Variants in MET observed in about 807,000 individuals in gnomAD.
The protein encoded by MET is hepatocyte growth factor receptor.
Under a neutral mutation model 133.1 loss-of-function variants are expected in MET, and 48 were observed. That is an observed-to-expected ratio of 0.36 (90% CI 0.29 to 0.46). MET has a LOEUF of 0.46. Ranked by LOEUF, MET falls within the 20% of genes least tolerant of loss-of-function variation. The probability of loss-of-function intolerance (pLI) is 1.00; values close to 1 mark genes in which losing one functional copy is unlikely to be tolerated. For missense variants in MET, 1,442 were observed against 1,695.9 expected (o/e 0.85, Z 2.63); for synonymous variants, 628 against 616.5 (o/e 1.02, Z -0.28).
At chr7:116,783,495 TCTC>T in intron 19 of MET, 26 bp downstream of exon 19, 1 of 1,613,528 alleles carries the variant, frequency 6.2e-7, no homozygotes, top group South Asian at 1.1e-5. Context: ...TCTCTGAGTT[TCTC>T]CTCTTTTACT....
At chr7:116,764,250 T>A (rs1182171972) in intron 11 of MET, among the ~76,000 whole-genome samples, 14 of 152,210 alleles carry the variant, frequency 9.2e-5, no homozygotes, top group Admixed American at 3.9e-4. Flanking sequence ...ATTATTGTGT[T>A]TTGTACAATA....
At chr7:116,783,635 A>G (rs539378584) in intron 19 of MET, among the ~76,000 whole-genome samples, 166 bp downstream of exon 19, 1 of 152,348 alleles carries the variant, frequency 6.6e-6, no homozygotes, top group African/African-American at 2.4e-5. Context: ...GTATATTTTC[A>G]TAAATTCACT....
At chr7:116,726,147 A>G (rs190144620) in intron 2 of MET, among the ~76,000 whole-genome samples, 68 of 96,030 alleles carry the variant, frequency 7.1e-4, no homozygotes, top group African/African-American at 1.2e-3. Context: ...ATATATGTAT[A>G]TATATATATA....
intron 1 of MET, among the ~76,000 whole-genome samples, chr7:116,694,451 G>A (rs1334394662): frequency 6.6e-6 from 1 of 152,030 alleles, no homozygotes; most frequent in Non-Finnish European, 1.5e-5. Context: ...GGAGATTAAG[G>A]TACTAACTCC....
chr7:116,782,654 T>C (rs1795191203), intron 18 of MET, among the ~76,000 whole-genome samples: 1 of 152,226 alleles, frequency 6.6e-6, no homozygotes, highest in Non-Finnish European at 1.5e-5. Context: ...TTATGGTATG[T>C]GTGAATGAAA....
intron 5 of MET, among the ~76,000 whole-genome samples, chr7:116,744,464 A>G (rs1793586484): frequency 6.6e-6 from 1 of 152,252 alleles, no homozygotes. Flanking sequence ...ACTTAATGAA[A>G]TAAAGTGTGG....
chr7:116,699,628 G>C lies in MET; in HGVS notation c.544G>C (p.Ala182Pro). The C allele has an allele frequency of 6.2e-7, 1 of 1,613,960 alleles. No individual in the cohort carries two copies. The highest frequency in any genetic ancestry group is 8.5e-7 in the Non-Finnish European group (1 of 1,179,950). The change falls in exon 2 of 21, where the codon GCC becomes CCC. Residue 182 changes from alanine to proline, a missense_variant. By Grantham distance (27) the Ala-to-Pro change is conservative. Around this residue, in one of 6 missense-constraint regions of MET, gnomAD observed 762 missense variants for 792.4 expected, o/e 0.96. Coordinates refer to ENST00000397752, the MANE Select transcript of MET (RefSeq NM_000245.4). Reference protein sequence around the residue: ...CPDCVVSALGAKVLSSVKDRF... With the variant: ...CPDCVVSALGPKVLSSVKDRF... ...TGACTGTGTGGTGAGCGCCCTGGGA[G>C]CCAAAGTCCTTTCATCTGTAAAGGA...
chr7:116,778,298 T>C (rs1417467674), intron 16 of MET, among the ~76,000 whole-genome samples: 2 of 152,212 alleles, frequency 1.3e-5, no homozygotes, highest in Admixed American at 1.3e-4. Flanking sequence ...GCCTGAAAAA[T>C]GTTAACCAGC....
At chr7:116,771,818 T>C in intron 13 of MET, 31 bp from the exon 14 acceptor site, 2 of 1,613,646 alleles carry the variant, frequency 1.2e-6, no homozygotes, top group East Asian at 2.2e-5. Context: ...TAGCCGTCTT[T>C]AACAAGCTCT....
chr7:116,767,918 A>G (rs992514559), intron 11 of MET, among the ~76,000 whole-genome samples: 10 of 149,996 alleles, frequency 6.7e-5, no homozygotes, highest in Non-Finnish European at 1.2e-4. Context: ...GTGAGCTACC[A>G]GTATCACTTT....
At chr7:116,736,376 G>A (rs931753609) in intron 3 of MET, among the ~76,000 whole-genome samples, 6 of 151,490 alleles carry the variant, frequency 4.0e-5, no homozygotes, top group Admixed American at 3.3e-4. Context: ...AATTAAAACC[G>A]TTCAATTGTC....
At chr7:116,746,183 T>A (rs1274675873) in intron 5 of MET, among the ~76,000 whole-genome samples, 1 of 152,250 alleles carries the variant, frequency 6.6e-6, no homozygotes, top group African/African-American at 2.4e-5. Context: ...GAAAAAATGC[T>A]CATTATCACT....
intron 10 of MET, among the ~76,000 whole-genome samples, chr7:116,761,577 T>C (rs1445772904): frequency 2.0e-5 from 3 of 152,098 alleles, no homozygotes; most frequent in Non-Finnish European, 4.4e-5. Flanking sequence ...ACAAGAACAA[T>C]CATCTTCATA....
chr7:116,766,135 T>C (rs1351165181), intron 11 of MET, among the ~76,000 whole-genome samples: 4 of 152,240 alleles, frequency 2.6e-5, no homozygotes, highest in African/African-American at 4.8e-5. Context: ...TCTGTATTTC[T>C]CCCTGAGTGT....
chr7:116,698,448 C>T (rs1232093375), intron 1 of MET, among the ~76,000 whole-genome samples: 2 of 152,176 alleles, frequency 1.3e-5, no homozygotes, highest in Non-Finnish European at 2.9e-5. Flanking sequence ...ATTTGTCTGT[C>T]TAAAACAATA....
chr7:116,782,179 C>T (rs1253675900), intron 18 of MET, 82 bp downstream of exon 18: 8 of 950,704 alleles, frequency 8.4e-6, no homozygotes, highest in Non-Finnish European at 1.2e-5. Flanking sequence ...GCTAGTTAAG[C>T]TGTTTTCTCT....
intron 2 of MET, among the ~76,000 whole-genome samples, chr7:116,729,006 T>C (rs1792894633): frequency 6.6e-6 from 1 of 152,226 alleles, no homozygotes; most frequent in Non-Finnish European, 1.5e-5. Flanking sequence ...ATGGAATATT[T>C]CAAATGGCCT....
At chr7:116,754,211 T>C (rs953958858) in intron 5 of MET, among the ~76,000 whole-genome samples, 3 of 152,210 alleles carry the variant, frequency 2.0e-5, no homozygotes, top group African/African-American at 7.2e-5. Context: ...AAACCATCTA[T>C]ATGTTTCATA....
rs201789039 is a variant in MET, at chr7:116,731,759, T to C, written c.1292T>C (p.Met431Thr). 1 of 1,614,158 alleles carries C rather than the reference T, an allele frequency of 6.2e-7. No homozygotes were observed. The highest frequency in any genetic ancestry group is 8.5e-7 in the Non-Finnish European group (1 of 1,180,000). ...GCTTTGCAGCGCGTTGACTTATTCA[T>C]GGGTCAATTCAGCGAAGTCCTCTTA... ...TTALQRVDLF[M>T]GQFSEVLLTS... The change falls in exon 3 of 21, where the codon ATG becomes ACG. Residue 431 changes from methionine to threonine, a missense_variant. Coordinates refer to ENST00000397752, the MANE Select transcript of MET (RefSeq NM_000245.4).
Sources: allele counts gnomAD v4.1 joint callset (sites outside exome capture counted in the v4.1 genomes callset), GRCh38; gene constraint gnomAD v4.1.1; regional missense constraint gnomAD v4.1.1; transcripts MANE v1.5; gene names NCBI Gene and HGNC (gene_info 2026-07-23, HGNC 2026-07-21).